The following PAM variants were observed in gnomAD, a reference collection of about 807,000 sequenced individuals.
The protein encoded by PAM is peptidyl-glycine alpha-amidating monooxygenase.
A neutral mutation model predicts 122.1 loss-of-function variants in PAM; 72 were observed. That is an observed-to-expected ratio of 0.59 (90% CI 0.49 to 0.72). The LOEUF (loss-of-function observed/expected upper bound fraction) is 0.72, where lower values mean the gene tolerates loss of function less well. Ranked by LOEUF, PAM falls within the 30% of genes least tolerant of loss-of-function variation. The pLI, the probability that PAM is intolerant of heterozygous loss-of-function variation, is 0.00. For synonymous variants in PAM, 389 were observed against 404.4 expected, an observed-to-expected ratio of 0.96 and a Z score of 0.46; for missense variants, 1,106 against 1,183.7, an observed-to-expected ratio of 0.93 and a Z score of 0.96.
rs375131293 is a variant in PAM, at chr5:102,866,162, G to C, written c.-34G>C. 2.8e-5 allele frequency: 41 copies of C among 1,487,438 alleles called. No individual in the cohort carries two copies. In the African/African-American group the frequency reaches 4.5e-4, roughly 17 times the overall value. The allele number at this position is 1,487,438 out of a possible 1,614,324, so 92.1% of individuals were successfully genotyped here. ...GCCCCAGCCCCGCGCTGCGCTGCCC[G>C]GTCCTCTCCCGGCGGGGTCGTATCG... is the stretch of plus-strand genomic sequence containing the variant. On this transcript the variant is annotated 5_prime_UTR_variant, in exon 2 of 26. Coordinates refer to ENST00000438793, the MANE Select transcript of PAM (RefSeq NM_001177306.2).
intron 1 of PAM, among the ~76,000 whole-genome samples, chr5:102,864,258 A>G (rs9687982): frequency 0.09 from 13,645 of 150,844 alleles, 1,545 homozygotes; most frequent in African/African-American, 0.26. Context: ...TGTTGCTAGC[A>G]AAGGCAATAG....
intron 4 of PAM, among the ~76,000 whole-genome samples, chr5:102,908,315 C>A (rs529510012): frequency 2.0e-5 from 3 of 151,902 alleles, no homozygotes; most frequent in Admixed American, 2.0e-4. Context: ...GGGCTCTGTT[C>A]TGTTCCATTG....
chr5:102,780,799 CTT>C (rs1758652844), intron 1 of PAM, among the ~76,000 whole-genome samples: 1 of 142,328 alleles, frequency 7.0e-6, no homozygotes, highest in African/African-American at 2.7e-5. Flanking sequence ...TTCTTTCTTT[CTT>C]TCTTTCTTTC....
In PAM at chr5:103,003,106, G is replaced by GATCCAA. The variant is rs1317825168; in HGVS notation, c.1690_1695dup (p.Pro564_Asn565dup). The GATCCAA allele has an allele frequency of 6.2e-7, 1 of 1,603,000 alleles. No homozygotes were observed. The highest frequency in any genetic ancestry group is 2.2e-5 in the East Asian group (1 of 44,794). On this transcript the variant is annotated inframe_insertion, in exon 17 of 26. Coordinates refer to ENST00000438793, the MANE Select transcript of PAM (RefSeq NM_001177306.2). ...TGAAGAAGACACTATTCTTGTCATA[G>GATCCAA]ATCCAAATAATGCTGCAGTACTCCA... is the stretch of plus-strand genomic sequence containing the variant.
At chr5:102,865,540 T>G (rs1239529858) in intron 1 of PAM, 2 of 152,064 alleles carry the variant, frequency 1.3e-5, no homozygotes, top group Non-Finnish European at 2.9e-5. Flanking sequence ...GGGGTGGCTG[T>G]GAGGGATAAA....
At position 102,755,843 on chromosome 5, in the gene PAM, G is replaced by T. The variant is rs534058808; in HGVS notation, c.-374+495G>T. Among the ~76,000 whole-genome samples the T allele has an allele frequency of 2.5e-4, 38 of 152,226 alleles. No individual in the cohort carries two copies. In the East Asian group the frequency reaches 3.3e-3, roughly 13 times the overall value. On this transcript the variant is annotated intron_variant, in intron 1 of 25. Transcript: ENST00000438793. ...GGAGTAGCAACCTGGGGTGTGGAGT[G>T]GGGGCGAGTGCCGGGAAGCAGTGGA...
intron 7 of PAM, among the ~76,000 whole-genome samples, chr5:102,938,074 A>G (rs1041665222): frequency 3.3e-5 from 5 of 152,184 alleles, no homozygotes; most frequent in Admixed American, 2.6e-4. Context: ...AACCTTCATT[A>G]TACACAAGCA....
intron 1 of PAM, among the ~76,000 whole-genome samples, chr5:102,813,572 C>G (rs1768637921): frequency 6.6e-6 from 1 of 152,112 alleles, no homozygotes; most frequent in African/African-American, 2.4e-5. Context: ...TTTATTGTTG[C>G]TTTAATTTTA....
At chr5:102,812,902 C>T (rs1198454074) in intron 1 of PAM, among the ~76,000 whole-genome samples, 1 of 151,838 alleles carries the variant, frequency 6.6e-6, no homozygotes, top group African/African-American at 2.4e-5. Flanking sequence ...TGTTTAGTTT[C>T]TTTTATCTAT....
intron 14 of PAM, among the ~76,000 whole-genome samples, chr5:102,962,387 G>T (rs944075275): frequency 4.0e-5 from 6 of 151,716 alleles, no homozygotes; most frequent in Non-Finnish European, 7.4e-5. Flanking sequence ...CCTAAATATA[G>T]TGGTATTCAG....
chr5:102,935,974 A>T (rs1753114777), intron 7 of PAM, among the ~76,000 whole-genome samples: 1 of 151,802 alleles, frequency 6.6e-6, no homozygotes, highest in Non-Finnish European at 1.5e-5. Flanking sequence ...GCCAATTGGT[A>T]ATTTGCAGTG....
chr5:102,762,982 T>C (rs776542828), intron 1 of PAM, among the ~76,000 whole-genome samples: 1 of 152,218 alleles, frequency 6.6e-6, no homozygotes, highest in Non-Finnish European at 1.5e-5. Flanking sequence ...GATAAATGTT[T>C]CCAGAGCAGA....
At chr5:102,775,809 A>C (rs566625341) in intron 1 of PAM, among the ~76,000 whole-genome samples, 3 of 152,262 alleles carry the variant, frequency 2.0e-5, no homozygotes, top group East Asian at 3.9e-4. Flanking sequence ...ATATGTGTTC[A>C]TGTATCTTTA....
chr5:102,971,922 A>G (rs1448030997), intron 14 of PAM, among the ~76,000 whole-genome samples: 2 of 152,162 alleles, frequency 1.3e-5, no homozygotes, highest in African/African-American at 4.8e-5. Context: ...ATGTAACAAG[A>G]TGTTTGTACA....
rs1425303649 is a variant in PAM at position 102,974,262 on chromosome 5, C to T, written c.1309C>T (p.Arg437Ter). The change falls in exon 15 of 26, where the codon CGA becomes TGA. Residue 437 changes from arginine to a stop codon, truncating the protein, a stop_gained. Coordinates refer to ENST00000438793, the MANE Select transcript of PAM (RefSeq NM_001177306.2). LOFTEE classifies it high-confidence loss of function. ...ANVVQKKDLG[R>*]SDAREGAEHE... ...TGTAGTCCAAAAAAAGGATCTTGGT[C>T]GATCTGATGCCAGAGAGGGTGCAGA... is the stretch of plus-strand genomic sequence containing the variant. The T allele has an allele frequency of 7.4e-6, 12 of 1,613,908 alleles. No homozygotes were observed. Among genetic ancestry groups the T allele is most frequent in the African/African-American group, 1.3e-5 (1 of 74,998 alleles).
chr5:102,858,230 G>C (rs901824799), intron 1 of PAM, among the ~76,000 whole-genome samples: 1 of 152,070 alleles, frequency 6.6e-6, no homozygotes, highest in Non-Finnish European at 1.5e-5. Context: ...CTTATTATAT[G>C]TACTTAAAGA....
intron 1 of PAM, among the ~76,000 whole-genome samples, chr5:102,785,444 A>G (rs1760255229): frequency 6.6e-6 from 1 of 152,226 alleles, no homozygotes; most frequent in Non-Finnish European, 1.5e-5. Context: ...GGGACAAACC[A>G]GAGGGTAAGG....
intron 7 of PAM, among the ~76,000 whole-genome samples, chr5:102,941,321 A>G (rs959996858): frequency 9.9e-5 from 15 of 152,250 alleles, no homozygotes; most frequent in African/African-American, 9.6e-5. Flanking sequence ...AATGGAAGCT[A>G]GTAATTTCTA....
At chr5:103,009,178 G>A (rs547468459) in intron 20 of PAM, among the ~76,000 whole-genome samples, 1 of 151,942 alleles carries the variant, frequency 6.6e-6, no homozygotes, top group Non-Finnish European at 1.5e-5. Context: ...AAGTATTCAT[G>A]GTGTGAAAAT....
Sources: gnomAD v4.1 joint callset for allele counts (sites outside exome capture counted in the v4.1 genomes callset) on GRCh38, gnomAD v4.1.1 for gene constraint, MANE v1.5 for transcripts, NCBI Gene and HGNC (gene_info 2026-07-23, HGNC 2026-07-21) for gene names.